Variants in SPATA6 observed in about 807,000 individuals in gnomAD.
SPATA6 encodes the protein spermatogenesis-associated protein 6.
Under a neutral mutation model 65.3 loss-of-function variants are expected in SPATA6, and 56 were observed. The observed-to-expected ratio is 0.86, with a 90% confidence interval of 0.69 to 1.07. SPATA6 has a LOEUF of 1.07. Ranked by LOEUF, SPATA6 falls within the 50% of genes least tolerant of loss-of-function variation. The pLI is 0.00. For missense variants in SPATA6, 590 were observed against 594.8 expected (o/e 0.99, Z 0.08); for synonymous variants, 199 against 213.2 (o/e 0.93, Z 0.58).
chr1:48,367,651 A>G (rs1291519806), intron 9 of SPATA6, among the ~76,000 whole-genome samples: 1 of 152,100 alleles, frequency 6.6e-6, no homozygotes, highest in Admixed American at 6.6e-5. Flanking sequence ...TTTGCTTGGT[A>G]GATCTTCCTC....
At chr1:48,300,284 T>C (rs1644906304) in intron 12 of SPATA6, among the ~76,000 whole-genome samples, 2 of 152,190 alleles carry the variant, frequency 1.3e-5, no homozygotes, top group Non-Finnish European at 2.9e-5. Context: ...GTCAATGAAA[T>C]ACTTTTATAG....
rs745592884 is a variant in SPATA6, at chr1:48,395,368, G to A, written c.781-14C>T. 2.6e-6 allele frequency: 4 copies of A among 1,518,378 alleles called. No homozygotes were observed. The highest frequency in any genetic ancestry group is 2.4e-5 in the East Asian group (1 of 41,284). The allele number at this position is 1,518,378 out of a possible 1,614,324, so 94.1% of individuals were successfully genotyped here. Reference sequence around the variant, plus strand: ...TGGGGGATCAACCTAGAGGAAGCAGGATTTTTATGTAAAAGAGAGTTTAAA... The same window carrying A: ...TGGGGGATCAACCTAGAGGAAGCAGAATTTTTATGTAAAAGAGAGTTTAAA... On this transcript the variant is annotated splice_polypyrimidine_tract_variant and intron_variant, in intron 7 of 12. Coordinates refer to ENST00000371847, the MANE Select transcript of SPATA6 (RefSeq NM_019073.4).
intron 11 of SPATA6, among the ~76,000 whole-genome samples, chr1:48,336,389 T>C (rs1406816089): frequency 6.6e-6 from 1 of 152,076 alleles, no homozygotes; most frequent in Non-Finnish European, 1.5e-5. Context: ...TAACTGCCCA[T>C]CAACAGTAGA....
intron 11 of SPATA6, among the ~76,000 whole-genome samples, chr1:48,346,707 C>G (rs368774892): frequency 6.6e-6 from 1 of 152,070 alleles, no homozygotes; most frequent in South Asian, 2.1e-4. Context: ...GAATATAATA[C>G]CCTTCACAAC....
intron 11 of SPATA6, among the ~76,000 whole-genome samples, chr1:48,329,082 C>G (rs1202141011): frequency 2.0e-5 from 3 of 151,996 alleles, no homozygotes; most frequent in Non-Finnish European, 2.9e-5. Flanking sequence ...TCAAATAATT[C>G]AAAGTATATT....
intron 9 of SPATA6, among the ~76,000 whole-genome samples, chr1:48,369,908 C>T (rs919076113): frequency 3.9e-5 from 6 of 152,142 alleles, no homozygotes; most frequent in South Asian, 2.1e-4. Context: ...TCCTCCTATT[C>T]GGCCATCTTG....
chr1:48,395,575 A>G (rs2147913018), intron 7 of SPATA6, among the ~76,000 whole-genome samples: 1 of 152,082 alleles, frequency 6.6e-6, no homozygotes, highest in South Asian at 2.1e-4. Flanking sequence ...TTAATTCTAT[A>G]TATATGTGCC....
At chr1:48,419,002 A>C (rs777621750) in intron 3 of SPATA6, among the ~76,000 whole-genome samples, 1 of 152,158 alleles carries the variant, frequency 6.6e-6, no homozygotes, top group Non-Finnish European at 1.5e-5. Flanking sequence ...TACTAACACT[A>C]TATTTTTCCT....
intron 3 of SPATA6, among the ~76,000 whole-genome samples, chr1:48,415,395 A>G (rs919683413): frequency 6.6e-6 from 1 of 152,120 alleles, no homozygotes; most frequent in Non-Finnish European, 1.5e-5. Flanking sequence ...GCCTTTCCCC[A>G]TATTTGTCAG....
Position 48,298,765 on chromosome 1 carries a change from T to C in SPATA6, c.1415A>G (p.Asn472Ser). 1.9e-6 allele frequency: 3 copies of C among 1,614,050 alleles called. No homozygotes were observed. Among genetic ancestry groups the C allele is most frequent in the African/African-American group, 1.3e-5 (1 of 75,060 alleles). The part of the protein sequence containing the change: ...FENSMDKMYR[N>S]LYKKACSSAS... ...AGAACTACAGGCCTTTTTGTATAAG[T>C]TCCTGTACATCTTGTCCATGCTGTT... is the stretch of plus-strand genomic sequence containing the variant. Residue 472 changes from asparagine (N) to serine (S), a missense_variant, in exon 13 of 13, where the codon AAC (asparagine) becomes AGC (serine). By Grantham distance (46) the Asn-to-Ser change is conservative. Transcript: ENST00000371847.
intron 11 of SPATA6, among the ~76,000 whole-genome samples, chr1:48,319,250 T>A (rs917072667): frequency 6.6e-6 from 1 of 152,040 alleles, no homozygotes; most frequent in African/African-American, 2.4e-5. Context: ...AAAGAAAACA[T>A]AGAAAAGTTG....
At chr1:48,404,774 T>C (rs1651538616) in intron 5 of SPATA6, among the ~76,000 whole-genome samples, 1 of 152,238 alleles carries the variant, frequency 6.6e-6, no homozygotes, top group African/African-American at 2.4e-5. Flanking sequence ...CATTCATATC[T>C]AGAAATGAAT....
chr1:48,321,010 A>G (rs946547440), intron 11 of SPATA6, among the ~76,000 whole-genome samples: 2 of 152,170 alleles, frequency 1.3e-5, no homozygotes, highest in African/African-American at 4.8e-5. Context: ...AATCTAAAAT[A>G]ATACAACATA....
intron 9 of SPATA6, among the ~76,000 whole-genome samples, chr1:48,374,065 G>T (rs1647608877): frequency 6.6e-6 from 1 of 152,152 alleles, no homozygotes; most frequent in African/African-American, 2.4e-5. Flanking sequence ...TAGAAGTATG[G>T]GAAAGTGTGT....
At chr1:48,269,378 G>T in the SPATA6 span, among the ~76,000 whole-genome samples, 2 of 152,108 alleles carry the variant, frequency 1.3e-5, no homozygotes, top group African/African-American at 2.4e-5. Context: ...GAGAAAGCAT[G>T]TTTCCATAAA....
intron 11 of SPATA6, among the ~76,000 whole-genome samples, chr1:48,336,836 T>C (rs1403760302): frequency 6.6e-6 from 1 of 151,924 alleles, no homozygotes; most frequent in Non-Finnish European, 1.5e-5. Context: ...CATGAAAATC[T>C]TCATATCATT....
chr1:48,375,058 G>C (rs1647726477), intron 9 of SPATA6, among the ~76,000 whole-genome samples: 1 of 152,106 alleles, frequency 6.6e-6, no homozygotes, highest in Non-Finnish European at 1.5e-5. Flanking sequence ...AGGCCCTTTT[G>C]CTGCCACAGC....
chr1:48,275,691 TG>T, the SPATA6 span, among the ~76,000 whole-genome samples: 1 of 152,206 alleles, frequency 6.6e-6, no homozygotes, highest in Non-Finnish European at 1.5e-5. Flanking sequence ...TTAACATAAT[TG>T]ATTTGCATAT....
intron 11 of SPATA6, among the ~76,000 whole-genome samples, chr1:48,343,293 C>T (rs1373026362): frequency 6.6e-6 from 1 of 151,860 alleles, no homozygotes; most frequent in Non-Finnish European, 1.5e-5. Flanking sequence ...TGAAATACAA[C>T]AAAACACATC....
Sources: gnomAD v4.1 joint callset for allele counts (sites outside exome capture counted in the v4.1 genomes callset) on GRCh38, gnomAD v4.1.1 for gene constraint, MANE v1.5 for transcripts, NCBI Gene and HGNC (gene_info 2026-07-23, HGNC 2026-07-21) for gene names.